The following CCND3 variants were observed in gnomAD, a reference collection of about 807,000 sequenced individuals.
CCND3 encodes the protein G1/S-specific cyclin-D3.
In CCND3, 9 loss-of-function variants were observed where a neutral mutation model predicts 28.7. That is an observed-to-expected ratio of 0.31 (90% confidence interval 0.19 to 0.55). The LOEUF (loss-of-function observed/expected upper bound fraction) is 0.55. CCND3 is among the 20% of genes least tolerant of loss of function. CCND3 has a pLI of 0.93. For missense variants in CCND3, 315 were observed against 385.8 expected, an observed-to-expected ratio of 0.82 and a Z score of 1.54; for synonymous variants, 164 against 163.9, an observed-to-expected ratio of 1.00 and a Z score of 0.00.
At position 41,941,556 on chromosome 6, in the gene CCND3, G is replaced by A; in HGVS notation, c.94C>T (p.Leu32Phe). 6.3e-7 allele frequency: 1 copy of A among 1,586,442 alleles called. No individual in the cohort carries two copies. Among genetic ancestry groups the A allele is most frequent in the Non-Finnish European group, 8.6e-7 (1 of 1,168,866 alleles). The change falls in exon 1 of 5, where the codon CTC becomes TTC. Residue 32 changes from leucine to phenylalanine, a missense_variant. Coordinates refer to ENST00000372991, the MANE Select transcript of CCND3 (RefSeq NM_001760.5). This position sits in a 1 kb window ranked among gnomAD's most constrained non-coding sequence, Gnocchi z 6.1. ...LGDQRVLQSL[L>F]RLEERYVPRA... ...GGTACGTAGCGCTCCTCCAGGCGGA[G>A]CAGGCTCTGCAGGACACGCTGGTCC...
At chr6:42,040,991 C>A (rs1178532746) in intron 1 of CCND3, among the ~76,000 whole-genome samples, 2 of 152,016 alleles carry the variant, frequency 1.3e-5, no homozygotes, top group East Asian at 3.9e-4. Flanking sequence ...CAGGATATGG[C>A]AGCACTTACA....
chr6:41,964,206 G>T (rs1761790967), intron 1 of CCND3, among the ~76,000 whole-genome samples: 1 of 152,182 alleles, frequency 6.6e-6, no homozygotes, highest in South Asian at 2.1e-4. Context: ...AAGAGGTATT[G>T]GGGGGTTAAG....
At position 41,962,811 on chromosome 6, in the gene CCND3, C is replaced by T. The variant is rs564466525; in HGVS notation, c.-45-22226G>A. 7.9e-5 allele frequency among the ~76,000 whole-genome samples: 12 copies of T among 152,270 alleles called. No individual in the cohort carries two copies. In the South Asian group the frequency reaches 2.3e-3, roughly 29 times the overall value. On this transcript the variant is annotated intron_variant, in intron 1 of 4. Coordinates refer to the CCND3 transcript ENST00000372988. ...TGTTGCCCAGGCTGGAGCGCCATGG[C>T]GCAATCTTGGCTTACCACAACCTCC...
chr6:42,005,206 C>T (rs548413289), intron 1 of CCND3, among the ~76,000 whole-genome samples: 1 of 152,150 alleles, frequency 6.6e-6, no homozygotes, highest in Non-Finnish European at 1.5e-5. Flanking sequence ...GTATCATGTC[C>T]TAATTGGATT....
Position 41,990,660 on chromosome 6 carries a change from A to ATTTTTTTTTTTTTTTTTTTTT in CCND3, c.-45-50096_-45-50076dup, listed in dbSNP as rs67939325. On this transcript the variant is annotated intron_variant, in intron 1 of 4. Transcript: ENST00000372988. ...TAGTCCATGAATCTATAACCAACTG[A>ATTTTTTTTTTTTTTTTTTTTT]TTTTTTTTTTTTTTTTTTTTTTTTT... Among the ~76,000 whole-genome samples the ATTTTTTTTTTTTTTTTTTTTT allele has an allele frequency of 3.3e-5, 4 of 121,276 alleles. 2 individuals carry two copies. Among genetic ancestry groups the ATTTTTTTTTTTTTTTTTTTTT allele is most frequent in the South Asian group, 5.0e-4 (2 of 3,962 alleles). The allele number at this position is 121,276 out of a possible 152,430, so 79.6% of individuals were successfully genotyped here.
At chr6:41,987,475 TTTTCTCTCTC>T (rs150914167) in intron 1 of CCND3, among the ~76,000 whole-genome samples, 1,558 of 109,258 alleles carry the variant, frequency 0.014, 15 homozygotes, top group Non-Finnish European at 0.019. Flanking sequence ...TGGACCAGGC[TTTTCTCTCTC>T]TCTCTCTCTC....
Position 41,941,279 on chromosome 6 carries a change from G to A in CCND3, c.198+173C>T, listed in dbSNP as rs1446358509. On this transcript the variant is annotated intron_variant, in intron 1 of 4. Transcript: ENST00000372991. This position sits in a 1 kb window ranked among gnomAD's most constrained non-coding sequence, Gnocchi z 6.1. Reference sequence around the variant, plus strand: ...TGTCGGGAGGAGCCGATTAGGGCTCGGGAAAGCAAGGGAGGCAGCTGGCGT... The same window carrying A: ...TGTCGGGAGGAGCCGATTAGGGCTCAGGAAAGCAAGGGAGGCAGCTGGCGT... 14 of 1,440,544 alleles carry A rather than the reference G, an allele frequency of 9.7e-6. No homozygotes were observed. Among genetic ancestry groups the A allele is most frequent in the African/African-American group, 5.7e-5 (4 of 69,672 alleles). The allele number at this position is 1,440,544 out of a possible 1,614,324, so 89.2% of individuals were successfully genotyped here. A position where few individuals can be genotyped will look rare whatever the true frequency, so the allele number is the denominator to read the frequency against.
chr6:42,033,755 A>T (rs1489962976), intron 1 of CCND3, among the ~76,000 whole-genome samples: 1 of 151,856 alleles, frequency 6.6e-6, no homozygotes, highest in Non-Finnish European at 1.5e-5. Context: ...AGGCTGAGGC[A>T]GGAGAATCAC....
chr6:41,999,367 G>A (rs1762916617), intron 1 of CCND3, among the ~76,000 whole-genome samples: 1 of 152,112 alleles, frequency 6.6e-6, no homozygotes, highest in Admixed American at 6.6e-5. Flanking sequence ...TCCTGCCTCA[G>A]CCTCCCAAGT....
chr6:41,975,183 T>A, intron 1 of CCND3, among the ~76,000 whole-genome samples: 1 of 152,206 alleles, frequency 6.6e-6, no homozygotes, highest in East Asian at 1.9e-4. Flanking sequence ...TGTCATAATT[T>A]ACATGTATAT....
At chr6:41,988,076 G>A (rs1762538449) in intron 1 of CCND3, among the ~76,000 whole-genome samples, 2 of 151,986 alleles carry the variant, frequency 1.3e-5, no homozygotes, top group African/African-American at 2.4e-5. Context: ...AGCACTTTGA[G>A]AGGCCAAGGC....
upstream of CCND3, chr6:42,049,910 G>T (rs750893711): frequency 1.3e-5 from 2 of 152,248 alleles, no homozygotes; most frequent in Non-Finnish European, 2.9e-5. Flanking sequence ...GCCCAGCCAG[G>T]TGTTACTAAT....
chr6:42,028,756 T>C (rs1311781975), intron 1 of CCND3, among the ~76,000 whole-genome samples: 1 of 152,064 alleles, frequency 6.6e-6, no homozygotes, highest in African/African-American at 2.4e-5. Context: ...ATCTGCACAG[T>C]AGGGATAACA....
At chr6:41,956,845 A>G (rs1043354965) in intron 1 of CCND3, among the ~76,000 whole-genome samples, 3 of 151,564 alleles carry the variant, frequency 2.0e-5, no homozygotes, top group African/African-American at 7.3e-5. Context: ...TGGCTAACAC[A>G]GTGAAACCCC....
At chr6:41,941,882 T>A, upstream of CCND3, 4 of 223,978 alleles carry the variant, frequency 1.8e-5, no homozygotes, top group Non-Finnish European at 2.6e-5. The surrounding 1 kb of genome is among the most constrained non-coding windows in gnomAD (Gnocchi z 6.1). Context: ...GGGGCGGGGC[T>A]GCGGCGCCCC....
chr6:41,991,022 G>A (rs1050364666), intron 1 of CCND3, among the ~76,000 whole-genome samples: 1 of 151,710 alleles, frequency 6.6e-6, no homozygotes, highest in Non-Finnish European at 1.5e-5. Flanking sequence ...ACACTCACTG[G>A]GGAAAGGATA....
At chr6:42,036,401 ATAT>A (rs1554168370) in intron 1 of CCND3, among the ~76,000 whole-genome samples, 474 of 34,000 alleles carry the variant, frequency 0.014, 3 homozygotes, top group East Asian at 0.031. Flanking sequence ...ATATATATAT[ATAT>A]TTTTTTTTTT....
intron 1 of CCND3, among the ~76,000 whole-genome samples, chr6:42,023,562 G>A (rs1414967997): frequency 6.6e-6 from 1 of 152,192 alleles, no homozygotes; most frequent in Non-Finnish European, 1.5e-5. Flanking sequence ...GTGTTCACCA[G>A]TTTGGTGTTC....
chr6:41,994,157 C>T (rs1042333359), intron 1 of CCND3, among the ~76,000 whole-genome samples: 1 of 151,306 alleles, frequency 6.6e-6, no homozygotes, highest in African/African-American at 2.4e-5. Flanking sequence ...TCTACCTTTT[C>T]CACCTCTAGA....
Sources: allele counts gnomAD v4.1 joint callset (sites outside exome capture counted in the v4.1 genomes callset), GRCh38; gene constraint gnomAD v4.1.1; non-coding constraint Gnocchi (gnomAD v3.1); transcripts MANE v1.5; gene names NCBI Gene and HGNC (gene_info 2026-07-23, HGNC 2026-07-21).